The following PPP3CC variants were observed in gnomAD, a reference collection of about 807,000 sequenced individuals.
PPP3CC encodes serine/threonine-protein phosphatase 2B catalytic subunit gamma isoform.
Under a neutral mutation model 60.3 loss-of-function variants are expected in PPP3CC, and 35 were observed. The ratio of observed to expected loss-of-function variants is 0.58; its 90% CI spans 0.44 to 0.77. The LOEUF is 0.77. Ranked by LOEUF, PPP3CC falls within the 30% of genes least tolerant of loss-of-function variation. PPP3CC has a pLI of 0.00. For missense variants in PPP3CC, 570 were observed against 628.9 expected (o/e 0.91, Z 1.00); for synonymous variants, 206 against 224.3 (o/e 0.92, Z 0.73).
intron 3 of PPP3CC, 79 bp downstream of exon 3, chr8:22,475,703 T>C: frequency 7.4e-7 from 1 of 1,345,774 alleles, no homozygotes; most frequent in Non-Finnish European, 1.0e-6. Context: ...GTAGAAGAAA[T>C]TAAAATGAGA....
intron 1 of PPP3CC, among the ~76,000 whole-genome samples, chr8:22,454,980 CG>C (rs1563677982): frequency 6.7e-6 from 1 of 148,710 alleles, no homozygotes; most frequent in Non-Finnish European, 1.5e-5. Flanking sequence ...GGCATGAACC[CG>C]GGAGGCAGAG....
At chr8:22,473,685 A>G (rs143928587) in intron 1 of PPP3CC, among the ~76,000 whole-genome samples, 78 of 151,928 alleles carry the variant, frequency 5.1e-4, no homozygotes, top group African/African-American at 1.8e-3. Context: ...GCTGGTTTTG[A>G]ACTCCCGACC....
intron 1 of PPP3CC, among the ~76,000 whole-genome samples, chr8:22,474,095 A>G (rs911006076): frequency 2.0e-5 from 3 of 151,082 alleles, no homozygotes; most frequent in Middle Eastern, 3.2e-3. Context: ...GAGTTTTGCC[A>G]TGTTGCCCAG....
intron 3 of PPP3CC, among the ~76,000 whole-genome samples, chr8:22,476,488 T>C (rs1444827694): frequency 1.3e-5 from 2 of 152,224 alleles, no homozygotes; most frequent in Admixed American, 6.5e-5. Flanking sequence ...AGGTTTATTG[T>C]CTTGCAGCCT....
intron 3 of PPP3CC, among the ~76,000 whole-genome samples, chr8:22,487,022 G>A (rs534511313): frequency 6.6e-6 from 1 of 152,032 alleles, no homozygotes; most frequent in Non-Finnish European, 1.5e-5. Flanking sequence ...GAGCCACCGC[G>A]CCCAGCCCAG....
At chr8:22,494,876 C>T (rs1329604993) in intron 3 of PPP3CC, among the ~76,000 whole-genome samples, 1 of 152,184 alleles carries the variant, frequency 6.6e-6, no homozygotes, top group African/African-American at 2.4e-5. Context: ...AAAGTAGATA[C>T]ATACATATGA....
chr8:22,475,205 T>C, intron 2 of PPP3CC, 54 bp downstream of exon 2: 7 of 1,479,360 alleles, frequency 4.7e-6, no homozygotes, highest in Non-Finnish European at 5.5e-6. Context: ...GCATGAGCAG[T>C]TTTGAGAAAT....
rs192717834 is a variant in PPP3CC, at chr8:22,476,373, G to A, written c.372+749G>A. On this transcript the variant is annotated intron_variant, in intron 3 of 13. Transcript: ENST00000240139. ...GGATTTGTAATGTGACCAAGAATAA[G>A]CATGAGCTGAGAAATTGAGTCTGCT... is the stretch of plus-strand genomic sequence containing the variant. 5.0e-4 allele frequency among the ~76,000 whole-genome samples: 76 copies of A among 152,278 alleles called. No individual in the cohort carries two copies. The East Asian group carries it at 0.014, about 28-fold the overall frequency.
At chr8:22,511,506 C>T (rs1261293366) in intron 5 of PPP3CC, among the ~76,000 whole-genome samples, 2 of 152,030 alleles carry the variant, frequency 1.3e-5, no homozygotes, top group South Asian at 2.1e-4. Context: ...CTGACCTCAA[C>T]TGATCTGCCC....
At chr8:22,443,787 T>G (rs2132418756) in intron 1 of PPP3CC, among the ~76,000 whole-genome samples, 1 of 152,302 alleles carries the variant, frequency 6.6e-6, no homozygotes, top group East Asian at 1.9e-4. Flanking sequence ...CTTATGGTGC[T>G]TTTTTCAGGG....
intron 3 of PPP3CC, among the ~76,000 whole-genome samples, chr8:22,476,003 T>C (rs996538665): frequency 2.0e-5 from 3 of 152,162 alleles, no homozygotes; most frequent in East Asian, 1.9e-4. Flanking sequence ...AATTAACACT[T>C]AGATTAACTG....
At chr8:22,532,872 G>C (rs143257473) in intron 11 of PPP3CC, 49 bp from the exon 12 acceptor site, 14,829 of 1,303,820 alleles carry the variant, frequency 0.011, 161 homozygotes, top group South Asian at 0.036. Context: ...TTAAGTTGCT[G>C]AATGGAGAGT....
intron 3 of PPP3CC, among the ~76,000 whole-genome samples, chr8:22,487,846 A>AT (rs1392346745): frequency 6.6e-6 from 1 of 152,234 alleles, no homozygotes; most frequent in African/African-American, 2.4e-5. Flanking sequence ...ATGAACAGGT[A>AT]TTGACACATA....
Position 22,540,655 on chromosome 8 carries a change from T to C in PPP3CC, c.1392T>C (p.Phe464=), listed in dbSNP as rs763727212. ...GFSLQHKIRS[F]EEARGLDRIN... ...CGCTTCAGCACAAGATCCGGAGTTT[T>C]GAAGAAGCGCGAGGTCTGGACCGAA... Residue 464 remains phenylalanine, a synonymous_variant, in exon 14 of 14, where the codon TTT becomes TTC. Transcript: ENST00000240139. 1 of 1,613,942 alleles carries C rather than the reference T, an allele frequency of 6.2e-7. No individual in the cohort carries two copies. Among genetic ancestry groups the C allele is most frequent in the Non-Finnish European group, 8.5e-7 (1 of 1,179,970 alleles).
rs1837843551 is a variant in PPP3CC, at chr8:22,474,991, G to A, written c.87G>A (p.Lys29=). 1 of 1,607,376 alleles carries A rather than the reference G, an allele frequency of 6.2e-7. No homozygotes were observed. Among genetic ancestry groups the A allele is most frequent in the African/African-American group, 1.3e-5 (1 of 74,760 alleles). ...CTCCAACCCAACGGCTTACTTTCAA[G>A]GAAGTATTTGAGAATGGGAAACCTA... The part of the protein sequence containing the change: ...PFPPTQRLTF[K]EVFENGKPKV... The change falls in exon 2 of 14, where the codon AAG becomes AAA. Residue 29 remains lysine (K), a synonymous_variant. Transcript: ENST00000240139.
intron 1 of PPP3CC, among the ~76,000 whole-genome samples, chr8:22,459,453 T>TTGTGTG (rs1345685307): frequency 3.8e-5 from 4 of 104,908 alleles, no homozygotes; most frequent in Non-Finnish European, 7.5e-5. Context: ...TATCACTTTG[T>TTGTGTG]TATGTGTGTG....
chr8:22,521,996 A>G (rs974520898), intron 6 of PPP3CC, among the ~76,000 whole-genome samples: 1 of 151,444 alleles, frequency 6.6e-6, no homozygotes, highest in African/African-American at 2.4e-5. Flanking sequence ...ATATACATAT[A>G]TATGTATATA....
Position 22,539,623 on chromosome 8 carries a change from G to A in PPP3CC, c.1351+125G>A, listed in dbSNP as rs1469688449. On this transcript the variant is annotated intron_variant, in intron 13 of 13. Coordinates refer to ENST00000240139, the MANE Select transcript of PPP3CC (RefSeq NM_005605.5). Reference sequence around the variant, plus strand: ...AACTATAACAGTGAGAAAAGGTATAGTTGTTTCTAGGCATGTTAACGAAGC... The same window carrying A: ...AACTATAACAGTGAGAAAAGGTATAATTGTTTCTAGGCATGTTAACGAAGC... 5.1e-6 allele frequency: 5 copies of A among 978,234 alleles called. No individual in the cohort carries two copies. In the Admixed American group the frequency reaches 8.2e-5, roughly 16 times the overall value. The allele number at this position is 978,234 out of a possible 1,614,324, so 60.6% of individuals were successfully genotyped here.
In PPP3CC at chr8:22,441,236, G is replaced by A; in HGVS notation, c.-174G>A. ...CCTCGTCCTGTCAGTGGCGTCGGAG[G>A]CCGGCGCTGCGGTGGCCGCGCCCTT... On this transcript the variant is annotated 5_prime_UTR_variant, in exon 1 of 14. Coordinates refer to ENST00000240139, the MANE Select transcript of PPP3CC (RefSeq NM_005605.5). 1 of 516,012 alleles carries A rather than the reference G, an allele frequency of 1.9e-6. No individual in the cohort carries two copies. Among genetic ancestry groups the A allele is most frequent in the Non-Finnish European group, 3.2e-6 (1 of 309,396 alleles). 32.0% of individuals were successfully genotyped at this position (516,012 alleles called of 1,614,324 possible).
Sources: gnomAD v4.1 joint callset for allele counts (sites outside exome capture counted in the v4.1 genomes callset) on GRCh38, gnomAD v4.1.1 for gene constraint, MANE v1.5 for transcripts, NCBI Gene and HGNC (gene_info 2026-07-23, HGNC 2026-07-21) for gene names.